Variants in IKZF1 observed in about 807,000 individuals in gnomAD.
IKZF1 encodes IKAROS family zinc finger 1, also known as DNA-binding protein Ikaros.
A neutral mutation model predicts 51.7 loss-of-function variants in IKZF1; 10 were observed. That is an observed-to-expected ratio of 0.19 (90% CI 0.12 to 0.33). The LOEUF (loss-of-function observed/expected upper bound fraction) is 0.33, where lower values mean the gene tolerates loss of function less well. IKZF1 is among the 10% of genes least tolerant of loss of function. The pLI is 1.00. For missense variants in IKZF1, 484 were observed against 707.5 expected, an observed-to-expected ratio of 0.68 and a Z score of 3.58; for synonymous variants, 280 against 282.3, an observed-to-expected ratio of 0.99 and a Z score of 0.08.
chr7:50,352,997 C>T lies in IKZF1; in HGVS notation c.161-23536C>T, dbSNP rs564498645. On this transcript the variant is annotated intron_variant, in intron 3 of 7. Coordinates refer to ENST00000331340, the MANE Select transcript of IKZF1 (RefSeq NM_006060.6). ...TGTTTTCTGCAAATGAAATATTGCT[C>T]ATAAGCCAGGTGATGGCTGTCCACG... Among the ~76,000 whole-genome samples, 12 of 152,266 alleles carry T rather than the reference C, an allele frequency of 7.9e-5. No homozygotes were observed. In the East Asian group the frequency reaches 2.3e-3, roughly 29 times the overall value.
chr7:50,387,496 C>T (rs774648609), intron 6 of IKZF1, 26 bp downstream of exon 6: 1 of 1,593,422 alleles, frequency 6.3e-7, no homozygotes, highest in Non-Finnish European at 8.5e-7. Flanking sequence ...CGGAGGCCAG[C>T]CTGGTGGGCT....
rs1801104654 is a variant in IKZF1 at position 50,348,928 on chromosome 7, G to A, written c.160+21171G>A. On this transcript the variant is annotated intron_variant, in intron 3 of 7. Transcript: ENST00000331340. ...GGCATGGCCCTTTCTATGCTTCACA[G>A]ATGAGGAAGGTCCCTGGCACAGGTC... 2.0e-5 allele frequency among the ~76,000 whole-genome samples: 3 copies of A among 152,284 alleles called. No individual in the cohort carries two copies. In the East Asian group the frequency reaches 5.8e-4, roughly 29 times the overall value.
chr7:50,395,454 T>G (rs1816446997), intron 7 of IKZF1, among the ~76,000 whole-genome samples: 1 of 152,208 alleles, frequency 6.6e-6, no homozygotes, highest in South Asian at 2.1e-4. Context: ...TGAATTTTTT[T>G]TAATCCATTT....
chr7:50,391,403 A>G (rs1815018622), intron 6 of IKZF1, among the ~76,000 whole-genome samples: 1 of 152,202 alleles, frequency 6.6e-6, no homozygotes, highest in African/African-American at 2.4e-5. Context: ...GTATTATGAA[A>G]AGTTAAAAGG....
Position 50,391,849 on chromosome 7 carries a change from C to T in IKZF1, c.836C>T (p.Pro279Leu). ...GTCGCCAAACGTAAGAGCTCTATGC[C>T]TCAGAAATTTCTTGGTAAGAGTTAA... ...SNVAKRKSSM[P>L]QKFLGDKGLS... is the part of the protein sequence containing the mutation. The change falls in exon 7 of 8, where the codon CCT becomes CTT. Residue 279 changes from proline to leucine, a missense_variant. This residue lies in a region of IKZF1 where 172 missense variants were observed against 192.7 expected (regional missense o/e 0.89). Transcript: ENST00000331340. 1 of 1,612,740 alleles carries T rather than the reference C, an allele frequency of 6.2e-7. No homozygotes were observed. The highest frequency in any genetic ancestry group is 8.5e-7 in the Non-Finnish European group (1 of 1,179,392).
chr7:50,343,051 T>C (rs1009078473), intron 3 of IKZF1, among the ~76,000 whole-genome samples: 3 of 151,974 alleles, frequency 2.0e-5, no homozygotes, highest in Non-Finnish European at 4.4e-5. Flanking sequence ...TTCTTCCTTT[T>C]TCTTTTTAAT....
At chr7:50,322,728 G>T (rs1426070473) in intron 2 of IKZF1, among the ~76,000 whole-genome samples, 1 of 152,148 alleles carries the variant, frequency 6.6e-6, no homozygotes, top group Non-Finnish European at 1.5e-5. Flanking sequence ...GAGTCAGCCG[G>T]TGGGAAAGTG....
intron 2 of IKZF1, among the ~76,000 whole-genome samples, chr7:50,325,443 A>T (rs1280605739): frequency 1.3e-5 from 2 of 152,152 alleles, no homozygotes; most frequent in Non-Finnish European, 2.9e-5. Context: ...GAAAGAGGTG[A>T]AAACGCTAAG....
At chr7:50,315,044 G>GC (rs1323471524) in intron 1 of IKZF1, among the ~76,000 whole-genome samples, 2 of 152,260 alleles carry the variant, frequency 1.3e-5, no homozygotes, top group Non-Finnish European at 2.9e-5. Flanking sequence ...CCTGGAAGAG[G>GC]CCCCTGTGCT....
At chr7:50,314,888 C>A (rs1791114285) in intron 1 of IKZF1, among the ~76,000 whole-genome samples, 1 of 152,222 alleles carries the variant, frequency 6.6e-6, no homozygotes, top group Non-Finnish European at 1.5e-5. Flanking sequence ...GGATGTTTCT[C>A]CCCAGGGGAC....
At chr7:50,386,142 A>C (rs1229687754) in intron 5 of IKZF1, among the ~76,000 whole-genome samples, 1 of 152,260 alleles carries the variant, frequency 6.6e-6, no homozygotes, top group African/African-American at 2.4e-5. Flanking sequence ...GTGATTAAAG[A>C]TACTTTATTC....
chr7:50,334,445 T>C (rs1454785244), intron 3 of IKZF1, among the ~76,000 whole-genome samples: 1 of 152,028 alleles, frequency 6.6e-6, no homozygotes, highest in African/African-American at 2.4e-5. Flanking sequence ...TCTATGTACA[T>C]GTGGTATGTT....
chr7:50,343,145 C>CCTTT (rs1390146389), intron 3 of IKZF1, among the ~76,000 whole-genome samples: 1 of 136,736 alleles, frequency 7.3e-6, no homozygotes, highest in African/African-American at 2.8e-5. Context: ...TTTCTTCCTT[C>CCTTT]CTTTCTTTCT....
intron 1 of IKZF1, among the ~76,000 whole-genome samples, chr7:50,313,907 G>A (rs1014960790): frequency 6.6e-6 from 1 of 152,214 alleles, no homozygotes; most frequent in African/African-American, 2.4e-5. Flanking sequence ...CAGAAACTTA[G>A]TAGGTTGATT....
intron 3 of IKZF1, among the ~76,000 whole-genome samples, chr7:50,339,806 T>C (rs1798655435): frequency 6.6e-6 from 1 of 152,140 alleles, no homozygotes; most frequent in Non-Finnish European, 1.5e-5. Flanking sequence ...TGAGCTATTA[T>C]GCTATTGCTG....
intron 6 of IKZF1, among the ~76,000 whole-genome samples, chr7:50,387,909 A>G (rs1813891157): frequency 6.6e-6 from 1 of 152,234 alleles, no homozygotes; most frequent in Non-Finnish European, 1.5e-5. Context: ...TGTGATTTTA[A>G]GCATCAGTTC....
chr7:50,339,299 G>A (rs1715468408), intron 3 of IKZF1, among the ~76,000 whole-genome samples: 1 of 150,346 alleles, frequency 6.7e-6, no homozygotes, highest in Non-Finnish European at 1.5e-5. Flanking sequence ...TATTGGGGAG[G>A]ACTGTGGGGT....
chr7:50,335,474 T>C (rs1373277997), intron 3 of IKZF1, among the ~76,000 whole-genome samples: 1 of 126,152 alleles, frequency 7.9e-6, no homozygotes, highest in East Asian at 2.5e-4. Flanking sequence ...GTGTATGGGA[T>C]GTGTAGTGTG....
chr7:50,360,141 T>C (rs1804766681), intron 3 of IKZF1, among the ~76,000 whole-genome samples: 2 of 152,036 alleles, frequency 1.3e-5, no homozygotes, highest in Middle Eastern at 3.4e-3. Flanking sequence ...CAGGGACCCG[T>C]TGGGCTTCTG....
Sources: allele counts gnomAD v4.1 joint callset (sites outside exome capture counted in the v4.1 genomes callset), GRCh38; gene constraint gnomAD v4.1.1; regional missense constraint gnomAD v4.1.1; transcripts MANE v1.5; gene names NCBI Gene and HGNC (gene_info 2026-07-23, HGNC 2026-07-21).